Variants in PPP2R5E observed in about 807,000 individuals in gnomAD.
PPP2R5E encodes serine/threonine-protein phosphatase 2A 56 kDa regulatory subunit epsilon isoform.
Under a neutral mutation model 65.3 loss-of-function variants are expected in PPP2R5E, and 4 were observed. The ratio of observed to expected loss-of-function variants is 0.06; its 90% confidence interval spans 0.03 to 0.14. The LOEUF is 0.14. Ranked by LOEUF, PPP2R5E falls within the 10% of genes least tolerant of loss-of-function variation. The probability of loss-of-function intolerance (pLI) is 1.00; values close to 1 mark genes in which losing one functional copy is unlikely to be tolerated. For synonymous variants in PPP2R5E, 183 were observed against 187.4 expected (o/e 0.98, Z 0.19); for missense variants, 274 against 556.1 (o/e 0.49, Z 5.10).
At chr14:63,531,697 T>G (rs1417389757) in intron 2 of PPP2R5E, among the ~76,000 whole-genome samples, 5 of 151,742 alleles carry the variant, frequency 3.3e-5, no homozygotes, top group Non-Finnish European at 1.5e-5. Context: ...CTCATGCCTG[T>G]AATCCCAGCA....
chr14:63,396,784 T>C (rs1010271805), intron 5 of PPP2R5E, 68 bp from the exon 6 acceptor site: 1 of 1,563,358 alleles, frequency 6.4e-7, no homozygotes, highest in Non-Finnish European at 8.7e-7. Flanking sequence ...AATTCTATTA[T>C]TTAAAATCCC....
intron 3 of PPP2R5E, among the ~76,000 whole-genome samples, chr14:63,441,727 T>A (rs1888248155): frequency 6.6e-6 from 1 of 152,048 alleles, no homozygotes; most frequent in South Asian, 2.1e-4. Flanking sequence ...CTGGCTAACA[T>A]GGTGAAACAC....
chr14:63,460,737 T>C (rs1032870821), intron 2 of PPP2R5E, among the ~76,000 whole-genome samples: 1 of 152,124 alleles, frequency 6.6e-6, no homozygotes, highest in Admixed American at 6.5e-5. Context: ...GCTAACAATA[T>C]GCTCTCCAAT....
At chr14:63,497,933 A>C (rs972955483) in intron 2 of PPP2R5E, among the ~76,000 whole-genome samples, 1 of 152,200 alleles carries the variant, frequency 6.6e-6, no homozygotes, top group Non-Finnish European at 1.5e-5. Flanking sequence ...TCTACTGTTC[A>C]ATATTTCTAT....
intron 3 of PPP2R5E, among the ~76,000 whole-genome samples, chr14:63,430,204 A>G (rs1887561292): frequency 1.3e-5 from 2 of 152,202 alleles, no homozygotes; most frequent in South Asian, 4.1e-4. Flanking sequence ...CAAACAGATT[A>G]GAATTTATAT....
chr14:63,526,314 C>T (rs1594973082), intron 2 of PPP2R5E, among the ~76,000 whole-genome samples: 1 of 152,172 alleles, frequency 6.6e-6, no homozygotes, highest in South Asian at 2.1e-4. Flanking sequence ...GAAATGGAGG[C>T]ACGAAAGTAT....
At chr14:63,485,693 C>A (rs1890954574) in intron 2 of PPP2R5E, among the ~76,000 whole-genome samples, 1 of 151,968 alleles carries the variant, frequency 6.6e-6, no homozygotes, top group Non-Finnish European at 1.5e-5. Context: ...AGATTACAGG[C>A]ATGAGACACC....
At chr14:63,531,199 A>G (rs1351883724) in intron 2 of PPP2R5E, among the ~76,000 whole-genome samples, 1 of 152,132 alleles carries the variant, frequency 6.6e-6, no homozygotes, top group African/African-American at 2.4e-5. Flanking sequence ...AAAATAACAT[A>G]TGTATACATG....
intron 10 of PPP2R5E, among the ~76,000 whole-genome samples, chr14:63,391,149 A>G (rs1884995857): frequency 1.3e-5 from 2 of 152,188 alleles, no homozygotes; most frequent in African/African-American, 4.8e-5. Flanking sequence ...GGAAGGGAAC[A>G]TCAACAAAGC....
At chr14:63,394,364 C>T (rs900965121) in intron 7 of PPP2R5E, among the ~76,000 whole-genome samples, 4 of 152,040 alleles carry the variant, frequency 2.6e-5, no homozygotes, top group Admixed American at 2.0e-4. Context: ...GGATAATAGG[C>T]GTGAGCCACC....
chr14:63,513,055 T>TG (rs1248430706), intron 2 of PPP2R5E, among the ~76,000 whole-genome samples: 3 of 151,542 alleles, frequency 2.0e-5, no homozygotes, highest in East Asian at 1.9e-4. Flanking sequence ...ATTTAATGGC[T>TG]GGGGGGGAAA....
At chr14:63,381,510 A>G (rs1469262920) in intron 13 of PPP2R5E, among the ~76,000 whole-genome samples, 1 of 147,348 alleles carries the variant, frequency 6.8e-6, no homozygotes, top group Admixed American at 6.9e-5. Flanking sequence ...GAAGTGAAAT[A>G]TTATTAAAGA....
chr14:63,486,884 CA>C (rs1263576206), intron 2 of PPP2R5E, among the ~76,000 whole-genome samples: 1 of 152,186 alleles, frequency 6.6e-6, no homozygotes, highest in African/African-American at 2.4e-5. Context: ...TGATCTCTCC[CA>C]TCCTTTGAGC....
intron 1 of PPP2R5E, among the ~76,000 whole-genome samples, chr14:63,540,596 G>A (rs1175040031): frequency 6.6e-6 from 1 of 150,498 alleles, no homozygotes; most frequent in South Asian, 2.1e-4. Flanking sequence ...GGTGGCGCAT[G>A]CCTGTAATCC....
At chr14:63,391,413 T>A (rs1885015534) in intron 10 of PPP2R5E, among the ~76,000 whole-genome samples, 1 of 151,668 alleles carries the variant, frequency 6.6e-6, no homozygotes, top group Non-Finnish European at 1.5e-5. Context: ...TTGTTTTGTT[T>A]TGTTTTGTTT....
At chr14:63,526,701 A>T (rs1292529771) in intron 2 of PPP2R5E, among the ~76,000 whole-genome samples, 1 of 152,066 alleles carries the variant, frequency 6.6e-6, no homozygotes, top group African/African-American at 2.4e-5. Context: ...GGACGACAGG[A>T]GCATGCCTCC....
At chr14:63,487,292 G>A (rs938020637) in intron 2 of PPP2R5E, among the ~76,000 whole-genome samples, 1 of 152,182 alleles carries the variant, frequency 6.6e-6, no homozygotes, top group Non-Finnish European at 1.5e-5. Flanking sequence ...CATAAAATAA[G>A]AGAAATGTGA....
chr14:63,539,398 T>C, intron 2 of PPP2R5E, 131 bp downstream of exon 2: 1 of 957,070 alleles, frequency 1.0e-6, no homozygotes, highest in Non-Finnish European at 1.5e-6. Flanking sequence ...CACACATTAG[T>C]AACTTCAATG....
In PPP2R5E at chr14:63,537,970, A is replaced by G. The variant is rs542090546; in HGVS notation, c.157+1559T>C. 4.2e-4 allele frequency among the ~76,000 whole-genome samples: 64 copies of G among 152,318 alleles called. 1 individual carries two copies. Among genetic ancestry groups the G allele is most frequent in the African/African-American group, 1.5e-3 (62 of 41,578 alleles). ...GGGACAAAAAGTAACCACATACCCAAACAAAAGTTGAAATGCCTAATTTAG... is the reference window on the plus strand; with the variant it reads ...GGGACAAAAAGTAACCACATACCCAGACAAAAGTTGAAATGCCTAATTTAG... On this transcript the variant is annotated intron_variant, in intron 2 of 13. Coordinates refer to ENST00000337537, the MANE Select transcript of PPP2R5E (RefSeq NM_006246.5).
Sources: allele counts gnomAD v4.1 joint callset (sites outside exome capture counted in the v4.1 genomes callset), GRCh38; gene constraint gnomAD v4.1.1; transcripts MANE v1.5; gene names NCBI Gene and HGNC (gene_info 2026-07-23, HGNC 2026-07-21).